Variants in MYOM1 observed in about 807,000 individuals in gnomAD.
The protein encoded by MYOM1 is myomesin 1, also known as myomesin-1.
MYOM1 carries 164 observed loss-of-function variants against 205.3 expected under a neutral mutation model. The observed-to-expected ratio is 0.80, with a 90% CI of 0.70 to 0.91. The LOEUF (loss-of-function observed/expected upper bound fraction) is 0.91. Among genes scored for constraint, MYOM1 ranks in the 40% least tolerant of loss-of-function variants. MYOM1 has a pLI of 0.00. For missense variants in MYOM1, 2,011 were observed against 2,127.3 expected (o/e 0.95, Z 1.08); for synonymous variants, 772 against 789.4 (o/e 0.98, Z 0.37).
Position 3,116,357 on chromosome 18 carries a change from C to A in MYOM1, c.3277G>T (p.Ala1093Ser). Residue 1093 changes from alanine (A) to serine (S), a missense_variant, in exon 21 of 38, where the codon GCG (alanine) becomes TCG (serine). Physicochemically the swap from Ala to Ser is moderately conservative, Grantham distance 99. Transcript: ENST00000356443. Reference sequence around the variant, plus strand: ...TTCAGGTATACGTTTTTAATAGCCGCCTCATTGAGCCCTCGCCACTGGTCT... The same window carrying A: ...TTCAGGTATACGTTTTTAATAGCCGACTCATTGAGCCCTCGCCACTGGTCT... ...KEDQWRGLNE[A>S]AIKNVYLKVR... 1 of 1,612,240 alleles carries A rather than the reference C, an allele frequency of 6.2e-7. No homozygotes were observed. The highest frequency in any genetic ancestry group is 1.3e-5 in the African/African-American group (1 of 75,010).
At chr18:3,173,573 CGTGTGT>C (rs71159051) in intron 8 of MYOM1, among the ~76,000 whole-genome samples, 2,929 of 136,902 alleles carry the variant, frequency 0.021, 25 homozygotes, top group Middle Eastern at 0.041. Flanking sequence ...AGTCCAGACT[CGTGTGT>C]GTGTGTGTGT....
chr18:3,164,865 T>C (rs950473015), intron 9 of MYOM1, among the ~76,000 whole-genome samples: 2 of 152,240 alleles, frequency 1.3e-5, no homozygotes, highest in Non-Finnish European at 2.9e-5. Flanking sequence ...GAGACCTTGA[T>C]TGATAATAAG....
At chr18:3,100,046 T>C in intron 25 of MYOM1, 113 bp downstream of exon 25, 8 of 1,090,000 alleles carry the variant, frequency 7.3e-6, no homozygotes, top group Non-Finnish European at 9.7e-6. Flanking sequence ...TGTTCCATTA[T>C]ATGTTCTCAA....
intron 12 of MYOM1, among the ~76,000 whole-genome samples, chr18:3,150,807 A>G (rs1179266328): frequency 6.6e-6 from 1 of 151,948 alleles, no homozygotes; most frequent in African/African-American, 2.4e-5. Context: ...TACATATATT[A>G]AAAGATTATT....
intron 14 of MYOM1, among the ~76,000 whole-genome samples, chr18:3,137,006 A>C (rs549814496): frequency 6.7e-6 from 1 of 148,376 alleles, no homozygotes; most frequent in Non-Finnish European, 1.5e-5. Flanking sequence ...GCTGGAGTGC[A>C]GTGGCACAAT....
the MYOM1 span, among the ~76,000 whole-genome samples, chr18:3,238,028 C>A: frequency 3.3e-5 from 5 of 152,242 alleles, no homozygotes; most frequent in African/African-American, 7.2e-5. Flanking sequence ...CAACTCATTA[C>A]ATTTATAGTG....
Position 3,219,593 on chromosome 18 carries a change from G to A in MYOM1, c.-29+210C>T, listed in dbSNP as rs4507002. 0.15 allele frequency among the ~76,000 whole-genome samples: 22,311 copies of A among 152,176 alleles called. 1,806 individuals are homozygous for A. Among genetic ancestry groups the A allele is most frequent in the East Asian group, 0.34 (1,764 of 5,168 alleles). The stretch of plus-strand genomic sequence containing the variant: ...AGCAGCTTAATTTCAGAAGAATACA[G>A]TGATGTGAGAGAAGAGCTGTGCCAG... On this transcript the variant is annotated intron_variant, in intron 1 of 37. Coordinates refer to ENST00000356443, the MANE Select transcript of MYOM1 (RefSeq NM_003803.4). The surrounding 1 kb of genome is among the most constrained non-coding windows in gnomAD (Gnocchi z 4.4).
intron 30 of MYOM1, among the ~76,000 whole-genome samples, chr18:3,085,434 C>T (rs571213834): frequency 6.6e-6 from 1 of 151,858 alleles, no homozygotes; most frequent in East Asian, 1.9e-4. Context: ...TTTAAAGGCC[C>T]TTGATTTACA....
Position 3,079,419 on chromosome 18 carries a change from T to C in MYOM1, c.4485-77A>G, listed in dbSNP as rs1567893953. On this transcript the variant is annotated intron_variant, in intron 33 of 37. Transcript: ENST00000356443. ...TCTTTACTTTGTCTCTCATTGAAGC[T>C]CTTGCCATAAAGTTTTGTAGGCTTT... is the stretch of plus-strand genomic sequence containing the variant. 2.1e-6 allele frequency: 3 copies of C among 1,455,388 alleles called. No homozygotes were observed. In the South Asian group the frequency reaches 4.5e-5, roughly 22 times the overall value. The allele number at this position is 1,455,388 out of a possible 1,614,324, so 90.2% of individuals were successfully genotyped here.
intron 22 of MYOM1, among the ~76,000 whole-genome samples, chr18:3,109,058 G>A (rs1598678411): frequency 6.6e-6 from 1 of 151,186 alleles, no homozygotes; most frequent in East Asian, 1.9e-4. Context: ...TTGGCTCACT[G>A]TGACCTCTGC....
chr18:3,199,825 G>C (rs1336693088), intron 2 of MYOM1, among the ~76,000 whole-genome samples: 1 of 151,478 alleles, frequency 6.6e-6, no homozygotes, highest in African/African-American at 2.4e-5. Context: ...GGGTGACAGA[G>C]TGAGACTCCG....
rs374054654 is a variant in MYOM1 at position 3,102,548 on chromosome 18, G to A, written c.3501C>T (p.Ser1167=). 172 of 1,613,744 alleles carry A rather than the reference G, an allele frequency of 1.1e-4. No homozygotes were observed. The African/African-American group carries it at 1.3e-3, about 13-fold the overall frequency. The change falls in exon 23 of 38, where the codon TCC becomes TCT. Residue 1167 remains serine, a synonymous_variant. Transcript: ENST00000356443. The part of the protein sequence containing the change: ...NFECDKMTPK[S]EFSWSKDYVS... ...CATAATCTTTGGACCAGGAGAACTCGGACTTTGGAGTCATCTTATCACACT... is the reference window on the plus strand; with the variant it reads ...CATAATCTTTGGACCAGGAGAACTCAGACTTTGGAGTCATCTTATCACACT...
the MYOM1 span, among the ~76,000 whole-genome samples, chr18:3,226,476 T>C: frequency 6.6e-6 from 1 of 151,926 alleles, no homozygotes; most frequent in East Asian, 1.9e-4. The surrounding 1 kb of genome is among the most constrained non-coding windows in gnomAD (Gnocchi z 4.6). Context: ...CAACCACGGG[T>C]AATTCCTTGC....
At chr18:3,182,569 AG>A in intron 5 of MYOM1, among the ~76,000 whole-genome samples, 1 of 152,356 alleles carries the variant, frequency 6.6e-6, no homozygotes, top group African/African-American at 2.4e-5. Flanking sequence ...GAAAGAACTA[AG>A]GGTGCACAGT....
At chr18:3,070,763 TGTGTGTGTGTGCAC>T (rs1182220634) in intron 37 of MYOM1, among the ~76,000 whole-genome samples, 1 of 149,710 alleles carries the variant, frequency 6.7e-6, no homozygotes, top group African/African-American at 2.5e-5. Context: ...TGTGTGTGTG[TGTGTGTGTGTGCAC>T]GTGTGTGTGT....
At chr18:3,082,246 G>A (rs972050797) in intron 33 of MYOM1, among the ~76,000 whole-genome samples, 1 of 152,162 alleles carries the variant, frequency 6.6e-6, no homozygotes, top group Non-Finnish European at 1.5e-5. Flanking sequence ...ATGGCCTGGG[G>A]TTTGGGGATC....
At chr18:3,068,270 T>C (rs538191036) in intron 37 of MYOM1, among the ~76,000 whole-genome samples, 1 of 152,112 alleles carries the variant, frequency 6.6e-6, no homozygotes, top group South Asian at 2.1e-4. Context: ...TTGTAAGAAA[T>C]AATAAAGAAA....
chr18:3,203,914 C>T (rs2081098805), intron 2 of MYOM1, among the ~76,000 whole-genome samples: 1 of 151,692 alleles, frequency 6.6e-6, no homozygotes, highest in Non-Finnish European at 1.5e-5. Context: ...CATATAAAAC[C>T]AAGTGAAGAT....
intron 13 of MYOM1, among the ~76,000 whole-genome samples, chr18:3,148,868 A>G (rs1300930742): frequency 2.0e-5 from 3 of 150,472 alleles, no homozygotes; most frequent in Admixed American, 6.6e-5. Context: ...AAAAAAAAAA[A>G]AAAAGAAAAT....
Sources: allele counts gnomAD v4.1 joint callset (sites outside exome capture counted in the v4.1 genomes callset), GRCh38; gene constraint gnomAD v4.1.1; non-coding constraint Gnocchi (gnomAD v3.1); transcripts MANE v1.5; gene names NCBI Gene and HGNC (gene_info 2026-07-23, HGNC 2026-07-21).